GRK5: variants seen among roughly 807,000 people sequenced by gnomAD.
The protein encoded by GRK5 is g protein-coupled receptor kinase GRK5.
A neutral mutation model predicts 78.4 loss-of-function variants in GRK5; 40 were observed. The ratio of observed to expected loss-of-function variants is 0.51; its 90% CI spans 0.40 to 0.66. The LOEUF (loss-of-function observed/expected upper bound fraction) is 0.66, where lower values mean the gene tolerates loss of function less well. GRK5 is among the 30% of genes least tolerant of loss of function. The pLI is 0.00. For missense variants in GRK5, 598 were observed against 759.9 expected (o/e 0.79, Z 2.50); for synonymous variants, 289 against 296.8 (o/e 0.97, Z 0.27).
chr10:119,374,624 G>C (rs761075497), intron 2 of GRK5, among the ~76,000 whole-genome samples: 22 of 152,370 alleles, frequency 1.4e-4, no homozygotes, highest in Non-Finnish European at 2.9e-4. Flanking sequence ...ATGTGTCTTA[G>C]CATGTGGATT....
chr10:119,260,545 C>T (rs919224371), intron 1 of GRK5, among the ~76,000 whole-genome samples: 1 of 151,744 alleles, frequency 6.6e-6, no homozygotes, highest in African/African-American at 2.4e-5. Flanking sequence ...AGGCAGAGGA[C>T]CCTGCGGCCT....
At chr10:119,409,181 G>A (rs1469019816) in intron 4 of GRK5, among the ~76,000 whole-genome samples, 4 of 152,196 alleles carry the variant, frequency 2.6e-5, no homozygotes, top group African/African-American at 7.2e-5. Context: ...ATCTTCTCAC[G>A]TCACAGTCTC....
At chr10:119,410,936 G>A (rs1466947011) in intron 4 of GRK5, among the ~76,000 whole-genome samples, 2 of 150,686 alleles carry the variant, frequency 1.3e-5, no homozygotes, top group African/African-American at 4.9e-5. Context: ...GCACTCTACA[G>A]CCTGCAGTCC....
Position 119,442,095 on chromosome 10 carries a change from G to T in GRK5, c.1057+7G>T, listed in dbSNP as rs750211863. 20 of 1,612,406 alleles carry T rather than the reference G, an allele frequency of 1.2e-5. No individual in the cohort carries two copies. In the East Asian group the frequency reaches 4.2e-4, roughly 34 times the overall value. ...GGCACTGTTGGCTACATGGGTGAGT[G>T]CTGGGCTGCCTGTGTCAATGCACCT... On this transcript the variant is annotated splice_region_variant and intron_variant, in intron 11 of 15. Transcript: ENST00000392870.
chr10:119,243,566 C>T (rs1230005574), intron 1 of GRK5, among the ~76,000 whole-genome samples: 3 of 147,942 alleles, frequency 2.0e-5, no homozygotes, highest in Non-Finnish European at 3.0e-5. Flanking sequence ...CCCAGTTTTT[C>T]TTTTTTTTTT....
At chr10:119,301,491 A>G (rs1362131961) in intron 1 of GRK5, among the ~76,000 whole-genome samples, 1 of 152,140 alleles carries the variant, frequency 6.6e-6, no homozygotes, top group Non-Finnish European at 1.5e-5. Flanking sequence ...CAGGGTGTGG[A>G]CTGTTCCTCC....
chr10:119,294,269 C>T (rs547927442), intron 1 of GRK5, among the ~76,000 whole-genome samples: 1 of 152,304 alleles, frequency 6.6e-6, no homozygotes, highest in African/African-American at 2.4e-5. Context: ...ACTATAACCA[C>T]TTTTAATGGG....
At chr10:119,321,438 G>A (rs1036169592) in intron 1 of GRK5, among the ~76,000 whole-genome samples, 2 of 152,188 alleles carry the variant, frequency 1.3e-5, no homozygotes, top group Admixed American at 6.5e-5. Context: ...TGGGGGCTCC[G>A]GGGAGAATCC....
In GRK5 at chr10:119,443,569, G is replaced by A. The variant is rs116059103; in HGVS notation, c.1083G>A (p.Arg361=). 1.9e-6 allele frequency: 3 copies of A among 1,611,300 alleles called. No homozygotes were observed. Among genetic ancestry groups the A allele is most frequent in the Non-Finnish European group, 8.5e-7 (1 of 1,177,772 alleles). The change falls in exon 12 of 16, where the codon AGG becomes AGA. Residue 361 remains arginine, a synonymous_variant. Coordinates refer to ENST00000392870, the MANE Select transcript of GRK5 (RefSeq NM_005308.3). Reference sequence around the variant, plus strand: ...CTCCAGAGGTCCTGAACAACCAGAGGTACGGCCTGAGCCCCGACTACTGGG... The same window carrying A: ...CTCCAGAGGTCCTGAACAACCAGAGATACGGCCTGAGCCCCGACTACTGGG... ...YMAPEVLNNQ[R]YGLSPDYWGL...
intron 4 of GRK5, chr10:119,406,551 T>C: frequency 1.2e-6 from 1 of 842,422 alleles, no homozygotes; most frequent in Non-Finnish European, 1.4e-6. Context: ...TCATCTCTAC[T>C]GAGATTGCCC....
rs1264327266 is a variant in GRK5 at position 119,456,635 on chromosome 10, G to A, written c.*1568G>A. ...CCATGTGGACCCTGCCCTAGCTGCA[G>A]CTGCACCTCCTGTCAAAAGTGCAGA... On this transcript the variant is annotated 3_prime_UTR_variant, in exon 16 of 16. Coordinates refer to ENST00000392870, the MANE Select transcript of GRK5 (RefSeq NM_005308.3). The surrounding 1 kb of genome is among the most constrained non-coding windows in gnomAD (Gnocchi z 5.5). 6.6e-6 allele frequency: 1 copy of A among 152,244 alleles called. No homozygotes were observed. The highest frequency in any genetic ancestry group is 1.5e-5 in the Non-Finnish European group (1 of 68,052). 9.4% of individuals were successfully genotyped at this position (152,244 alleles called of 1,614,324 possible).
At chr10:119,247,459 G>A (rs539016761) in intron 1 of GRK5, among the ~76,000 whole-genome samples, 1 of 152,310 alleles carries the variant, frequency 6.6e-6, no homozygotes, top group South Asian at 2.1e-4. Flanking sequence ...GGAAAGCTAT[G>A]CCTGGACTAT....
intron 4 of GRK5, among the ~76,000 whole-genome samples, chr10:119,416,281 G>A (rs986430282): frequency 2.6e-5 from 4 of 152,266 alleles, no homozygotes; most frequent in African/African-American, 2.4e-5. Flanking sequence ...GCAGAGGCAG[G>A]GAGCAGTGCC....
chr10:119,448,637 C>A (rs1246177646), intron 13 of GRK5, among the ~76,000 whole-genome samples: 2 of 152,194 alleles, frequency 1.3e-5, no homozygotes, highest in African/African-American at 4.8e-5. Context: ...CTTTCAAGAG[C>A]ATTGACGGCC....
chr10:119,284,014 C>T (rs1005430280), intron 1 of GRK5, among the ~76,000 whole-genome samples: 3 of 152,118 alleles, frequency 2.0e-5, no homozygotes, highest in African/African-American at 7.2e-5. Flanking sequence ...CAGTGTACTT[C>T]GGTACTCGGA....
chr10:119,212,706 G>A (rs1848507679), intron 1 of GRK5, among the ~76,000 whole-genome samples: 1 of 152,142 alleles, frequency 6.6e-6, no homozygotes, highest in African/African-American at 2.4e-5. Flanking sequence ...TTACCAAAAG[G>A]CATTATTGTC....
rs1419738260 is a variant in GRK5 at position 119,434,144 on chromosome 10, C to A, written c.739-2507C>A. 2.0e-5 allele frequency among the ~76,000 whole-genome samples: 3 copies of A among 152,192 alleles called. No homozygotes were observed. The East Asian group carries it at 5.8e-4, about 29-fold the overall frequency. On this transcript the variant is annotated intron_variant, in intron 8 of 15. Transcript: ENST00000392870. Reference sequence around the variant, plus strand: ...AATTCAATTATCTCCCACCGGGTCCCTCCCACAACACATAGGAATTATGGG... The same window carrying A: ...AATTCAATTATCTCCCACCGGGTCCATCCCACAACACATAGGAATTATGGG...
chr10:119,240,793 T>C (rs1374771193), intron 1 of GRK5, among the ~76,000 whole-genome samples: 2 of 152,020 alleles, frequency 1.3e-5, no homozygotes, highest in African/African-American at 4.8e-5. Flanking sequence ...CGTATCCCAG[T>C]CTAGACTTGA....
Position 119,360,943 on chromosome 10 carries a change from G to A in GRK5, c.149-19872G>A, listed in dbSNP as rs539872843. On this transcript the variant is annotated intron_variant, in intron 2 of 15. Transcript: ENST00000392870. ...TTTCCTCTTGAGGGAAGTGTTAGTC[G>A]CTGCCTTTCCCTCCCTCTGATTCCC... Among the ~76,000 whole-genome samples the A allele has an allele frequency of 2.0e-5, 3 of 152,252 alleles. No individual in the cohort carries two copies. In the South Asian group the frequency reaches 6.2e-4, roughly 32 times the overall value.
Sources: allele counts gnomAD v4.1 joint callset (sites outside exome capture counted in the v4.1 genomes callset), GRCh38; gene constraint gnomAD v4.1.1; non-coding constraint Gnocchi (gnomAD v3.1); transcripts MANE v1.5; gene names NCBI Gene and HGNC (gene_info 2026-07-23, HGNC 2026-07-21).